The following ARHGAP42 variants were observed in gnomAD, a reference collection of about 807,000 sequenced individuals.
ARHGAP42 encodes rho GTPase-activating protein 42.
ARHGAP42 carries 63 observed loss-of-function variants against 125.0 expected under a neutral mutation model. The ratio of observed to expected loss-of-function variants is 0.50; its 90% CI spans 0.41 to 0.62. The LOEUF (loss-of-function observed/expected upper bound fraction) is 0.62, where lower values mean the gene tolerates loss of function less well. Among genes scored for constraint, ARHGAP42 ranks in the 20% least tolerant of loss-of-function variants. The pLI is 0.00. For synonymous variants in ARHGAP42, 339 were observed against 351.0 expected (o/e 0.97, Z 0.38); for missense variants, 766 against 1,024.2 (o/e 0.75, Z 3.44).
chr11:100,728,755 T>C lies in ARHGAP42; in HGVS notation c.154+40923T>C, dbSNP rs182855849. Among the ~76,000 whole-genome samples the C allele has an allele frequency of 3.0e-3, 329 of 108,680 alleles. 1 individual carries two copies. The highest frequency in any genetic ancestry group is 5.3e-3 in the Non-Finnish European group (263 of 49,770). 71.3% of individuals were successfully genotyped at this position (108,680 alleles called of 152,430 possible). A position where few individuals can be genotyped will look rare whatever the true frequency, so the allele number is the denominator to read the frequency against. On this transcript the variant is annotated intron_variant, in intron 1 of 23. Transcript: ENST00000298815. Reference sequence around the variant, plus strand: ...ATATATATATATATATATATATATATATGCACACTTTTCTTTTTTAATTTT... The same window carrying C: ...ATATATATATATATATATATATATACATGCACACTTTTCTTTTTTAATTTT...
chr11:100,814,069 T>C (rs1346825366), intron 3 of ARHGAP42, among the ~76,000 whole-genome samples: 4 of 152,164 alleles, frequency 2.6e-5, no homozygotes, highest in Admixed American at 2.0e-4. Context: ...GGCAGATGCC[T>C]GTAATCCCAG....
intron 3 of ARHGAP42, among the ~76,000 whole-genome samples, chr11:100,800,277 A>G (rs1863819705): frequency 6.6e-6 from 1 of 152,150 alleles, no homozygotes. Context: ...GAGGTTATTG[A>G]TAGCCTTAGA....
At chr11:100,760,718 G>T (rs1406059260) in intron 1 of ARHGAP42, among the ~76,000 whole-genome samples, 2 of 151,798 alleles carry the variant, frequency 1.3e-5, no homozygotes, top group Non-Finnish European at 2.9e-5. Context: ...AAAAAAAAAG[G>T]AAATTAAACT....
intron 3 of ARHGAP42, among the ~76,000 whole-genome samples, chr11:100,827,039 C>T: frequency 1.8e-5 from 2 of 113,560 alleles, no homozygotes; most frequent in African/African-American, 6.8e-5. Context: ...GACTGAGTCT[C>T]ATTGCCCAGG....
At chr11:100,947,107 G>A (rs1868042230) in intron 10 of ARHGAP42, among the ~76,000 whole-genome samples, 1 of 151,896 alleles carries the variant, frequency 6.6e-6, no homozygotes, top group Admixed American at 6.6e-5. Flanking sequence ...TGAAGTTGCA[G>A]TAAAGTCTTC....
chr11:100,899,683 GTTTGTTTGTTTTGTTTTT>G (rs1866475107), intron 4 of ARHGAP42, among the ~76,000 whole-genome samples: 2 of 131,264 alleles, frequency 1.5e-5, no homozygotes, highest in South Asian at 5.1e-4. Flanking sequence ...TTGTTTGTTT[GTTTGTTTGTTTTGTTTTT>G]TTTGTTTTGT....
chr11:100,912,397 G>C (rs986758861), intron 4 of ARHGAP42, among the ~76,000 whole-genome samples: 1 of 152,000 alleles, frequency 6.6e-6, no homozygotes, highest in Non-Finnish European at 1.5e-5. Flanking sequence ...TAATGAACTT[G>C]TTAAAAAAAA....
chr11:100,954,336 T>C (rs891232623), intron 12 of ARHGAP42, among the ~76,000 whole-genome samples: 1 of 152,328 alleles, frequency 6.6e-6, no homozygotes, highest in Middle Eastern at 3.4e-3. Flanking sequence ...TTCTTTTCCA[T>C]TGACTTTCCG....
intron 5 of ARHGAP42, among the ~76,000 whole-genome samples, chr11:100,918,700 A>G (rs1203924417): frequency 6.6e-6 from 1 of 152,196 alleles, no homozygotes; most frequent in Non-Finnish European, 1.5e-5. Flanking sequence ...AAGAAATTAA[A>G]CTGTCATATT....
At chr11:100,876,012 T>C (rs976556393) in intron 4 of ARHGAP42, among the ~76,000 whole-genome samples, 8 of 151,604 alleles carry the variant, frequency 5.3e-5, no homozygotes, top group Non-Finnish European at 1.2e-4. Flanking sequence ...TGCTTAACTC[T>C]TTGATTCCTT....
intron 1 of ARHGAP42, among the ~76,000 whole-genome samples, chr11:100,699,502 ATATATTTTTTTTTTTTTTTTTTTT>A (rs1271365752): frequency 2.4e-5 from 1 of 40,926 alleles, no homozygotes; most frequent in Non-Finnish European, 4.7e-5. Context: ...ATATATATAT[ATATATTTTTTTTTTTTTTTTTTTT>A]TTTTTTTTTT....
intron 3 of ARHGAP42, among the ~76,000 whole-genome samples, chr11:100,829,289 G>A (rs1423658200): frequency 6.6e-6 from 1 of 151,658 alleles, no homozygotes; most frequent in Non-Finnish European, 1.5e-5. Context: ...GAGCACAGGT[G>A]TTTGAGGCTG....
intron 6 of ARHGAP42, among the ~76,000 whole-genome samples, chr11:100,932,848 A>C (rs947240611): frequency 6.6e-6 from 1 of 152,140 alleles, no homozygotes; most frequent in Non-Finnish European, 1.5e-5. Flanking sequence ...CTATGCTATT[A>C]TACTTTAGTC....
At position 100,922,625 on chromosome 11, in the gene ARHGAP42, C is replaced by T. The variant is rs985321278; in HGVS notation, c.597+1021C>T. ...TCCATTCATAATAAAAAATAAAATA[C>T]TCTGTTTCTATATTAGTGGATATGA... On this transcript the variant is annotated intron_variant, in intron 6 of 23. Transcript: ENST00000298815. Among the ~76,000 whole-genome samples the T allele has an allele frequency of 6.6e-5, 10 of 152,286 alleles. No homozygotes were observed. The South Asian group carries it at 2.1e-3, about 32-fold the overall frequency.
intron 3 of ARHGAP42, among the ~76,000 whole-genome samples, chr11:100,850,685 C>T (rs544457846): frequency 3.9e-4 from 60 of 152,196 alleles, no homozygotes; most frequent in African/African-American, 1.3e-3. Context: ...TATAACATTT[C>T]CAATTAAATA....
chr11:100,799,295 A>G (rs181842266), intron 3 of ARHGAP42, among the ~76,000 whole-genome samples: 55 of 152,358 alleles, frequency 3.6e-4, no homozygotes, highest in Non-Finnish European at 6.6e-4. Flanking sequence ...GTCTAGTCCC[A>G]GTGCCAGAGA....
chr11:100,687,793 C>A lies in ARHGAP42; in HGVS notation c.115C>A (p.Leu39Ile). The A allele has an allele frequency of 6.4e-7, 1 of 1,550,866 alleles. No homozygotes were observed. The highest frequency in any genetic ancestry group is 1.2e-5 in the South Asian group (1 of 83,940). ...LERTNKFIKE[L>I]IKDGSLLIGA... ...GCGAACCAACAAGTTCATCAAGGAG[C>A]TCATTAAGGACGGCTCTCTGCTCAT... Residue 39 changes from leucine to isoleucine, a missense_variant, in exon 1 of 24, where the codon CTC (leucine) becomes ATC (isoleucine). Leu to Ile is a conservative substitution (Grantham distance 5). Coordinates refer to ENST00000298815, the MANE Select transcript of ARHGAP42 (RefSeq NM_152432.4).
At chr11:100,909,341 G>GT (rs71053157) in intron 4 of ARHGAP42, among the ~76,000 whole-genome samples, 117,421 of 137,404 alleles carry the variant, frequency 0.85, 50,206 homozygotes, top group East Asian at 0.98. Context: ...GACTTTTCTT[G>GT]TTTTTTTTTT....
chr11:100,832,797 T>C (rs1314261171), intron 3 of ARHGAP42, among the ~76,000 whole-genome samples: 3 of 152,194 alleles, frequency 2.0e-5, no homozygotes, highest in Non-Finnish European at 4.4e-5. Flanking sequence ...GTACAGGATA[T>C]GAATTGGAAG....
Sources: allele counts gnomAD v4.1 joint callset (sites outside exome capture counted in the v4.1 genomes callset), GRCh38; gene constraint gnomAD v4.1.1; transcripts MANE v1.5; gene names NCBI Gene and HGNC (gene_info 2026-07-23, HGNC 2026-07-21).